The following PLCE1 variants were observed in gnomAD, a reference collection of about 807,000 sequenced individuals.
PLCE1 encodes the protein 1-phosphatidylinositol 4,5-bisphosphate phosphodiesterase epsilon-1.
PLCE1 carries 119 observed loss-of-function variants against 242.8 expected under a neutral mutation model. That is an observed-to-expected ratio of 0.49 (90% CI 0.42 to 0.57). The LOEUF (loss-of-function observed/expected upper bound fraction) is 0.57, where lower values mean the gene tolerates loss of function less well. Among genes scored for constraint, PLCE1 ranks in the 20% least tolerant of loss-of-function variants. The pLI, the probability that PLCE1 is intolerant of heterozygous loss-of-function variation, is 0.00. For synonymous variants in PLCE1, 945 were observed against 1,017.4 expected (o/e 0.93, Z 1.35); for missense variants, 2,441 against 2,788.8 (o/e 0.88, Z 2.81).
chr10:94,073,330 C>T (rs922555367), intron 2 of PLCE1, among the ~76,000 whole-genome samples: 1 of 152,136 alleles, frequency 6.6e-6, no homozygotes, highest in Non-Finnish European at 1.5e-5. Context: ...TTCCAAGTAA[C>T]CAACTTACTT....
At chr10:94,283,061 A>T (rs1438217642) in intron 20 of PLCE1, 1 of 152,196 alleles carries the variant, frequency 6.6e-6, no homozygotes, top group Non-Finnish European at 1.5e-5. Context: ...TGAGTGAGAA[A>T]TTAGCTTTCT....
intron 2 of PLCE1, among the ~76,000 whole-genome samples, chr10:94,084,478 G>C (rs183216257): frequency 7.4e-4 from 113 of 152,246 alleles, no homozygotes; most frequent in Non-Finnish European, 1.2e-3. Flanking sequence ...TGTAAAACCA[G>C]GGCGCTGGAC....
At chr10:94,233,821 G>A (rs138796172) in intron 5 of PLCE1, among the ~76,000 whole-genome samples, 5 of 151,886 alleles carry the variant, frequency 3.3e-5, no homozygotes, top group Admixed American at 6.6e-5. Context: ...AGTGGCGCGC[G>A]CCTATAATCC....
At chr10:94,118,708 C>T (rs1296761229) in intron 2 of PLCE1, among the ~76,000 whole-genome samples, 1 of 152,172 alleles carries the variant, frequency 6.6e-6, no homozygotes, top group African/African-American at 2.4e-5. Flanking sequence ...TCCAATAAAC[C>T]TCTTTCTTTC....
chr10:94,283,612 C>T (rs371461003), intron 20 of PLCE1, 178 bp from the exon 21 acceptor site: 241 of 578,754 alleles, frequency 4.2e-4, no homozygotes, highest in African/African-American at 3.0e-3. Flanking sequence ...AAAATAACTG[C>T]ATCAACCCAA....
At chr10:94,297,547 A>G (rs2052874779) in intron 23 of PLCE1, among the ~76,000 whole-genome samples, 1 of 149,032 alleles carries the variant, frequency 6.7e-6, no homozygotes, top group African/African-American at 2.5e-5. Context: ...AAATTGTACC[A>G]ATAAACTTGC....
chr10:94,203,682 G>A (rs1590237872), intron 4 of PLCE1, among the ~76,000 whole-genome samples: 1 of 152,166 alleles, frequency 6.6e-6, no homozygotes, highest in Non-Finnish European at 1.5e-5. Flanking sequence ...TACATAAGCA[G>A]AAATAAAAAG....
At chr10:94,285,638 A>G (rs1212475164) in intron 22 of PLCE1, among the ~76,000 whole-genome samples, 1 of 152,146 alleles carries the variant, frequency 6.6e-6, no homozygotes, top group Non-Finnish European at 1.5e-5. Flanking sequence ...CTTCAGTGTA[A>G]GAGTCTCTTC....
At chr10:94,181,765 A>G (rs1365348920) in intron 4 of PLCE1, among the ~76,000 whole-genome samples, 1 of 151,970 alleles carries the variant, frequency 6.6e-6, no homozygotes, top group East Asian at 1.9e-4. Flanking sequence ...AAAAAATTAA[A>G]AAATTGACAG....
At chr10:94,052,124 G>C (rs2043782048) in intron 2 of PLCE1, among the ~76,000 whole-genome samples, 1 of 152,182 alleles carries the variant, frequency 6.6e-6, no homozygotes, top group South Asian at 2.1e-4. Flanking sequence ...ATGATTGATT[G>C]AATAAGGATT....
intron 1 of PLCE1, among the ~76,000 whole-genome samples, chr10:94,005,634 A>G (rs2061020533): frequency 6.6e-6 from 1 of 152,180 alleles, no homozygotes; most frequent in African/African-American, 2.4e-5. Context: ...AAAGCTGCAT[A>G]TCGGGTTGGC....
At chr10:94,170,369 G>T (rs995324220) in intron 3 of PLCE1, among the ~76,000 whole-genome samples, 1 of 152,172 alleles carries the variant, frequency 6.6e-6, no homozygotes, top group Non-Finnish European at 1.5e-5. Flanking sequence ...TTAAGAGGCA[G>T]CCTGGGACAG....
intron 8 of PLCE1, among the ~76,000 whole-genome samples, chr10:94,249,669 C>T (rs2050807169): frequency 6.6e-6 from 1 of 151,972 alleles, no homozygotes; most frequent in African/African-American, 2.4e-5. Flanking sequence ...CAAGAGATAA[C>T]ACAGAAGACA....
chr10:94,144,811 G>A (rs566431325), intron 3 of PLCE1, among the ~76,000 whole-genome samples: 2 of 152,272 alleles, frequency 1.3e-5, no homozygotes, highest in South Asian at 2.1e-4. Flanking sequence ...TGGAGAAGTC[G>A]GAATAACAAG....
intron 2 of PLCE1, among the ~76,000 whole-genome samples, chr10:94,060,636 G>A (rs1277071480): frequency 6.6e-6 from 1 of 151,704 alleles, no homozygotes; most frequent in Non-Finnish European, 1.5e-5. Flanking sequence ...TTTTGCAGCT[G>A]TGATACATTA....
At chr10:94,269,124 CG>C (rs2051626597) in intron 17 of PLCE1, 88 bp downstream of exon 17, 1 of 590,682 alleles carries the variant, frequency 1.7e-6, no homozygotes, top group Non-Finnish European at 2.8e-6. Flanking sequence ...TTTTTTGAGA[CG>C]GGTTCTCGCT....
At chr10:94,214,005 C>T (rs895478193) in intron 4 of PLCE1, among the ~76,000 whole-genome samples, 2 of 152,164 alleles carry the variant, frequency 1.3e-5, no homozygotes, top group African/African-American at 4.8e-5. Flanking sequence ...AAATAAGAGT[C>T]TCAGGGTAGG....
chr10:94,241,313 T>C (rs958134118), intron 7 of PLCE1, among the ~76,000 whole-genome samples: 1 of 152,236 alleles, frequency 6.6e-6, no homozygotes, highest in African/African-American at 2.4e-5. Context: ...TGGAACATGC[T>C]TGACTTAACT....
rs2133018520 is a variant in PLCE1, at chr10:94,262,842, G to C, written c.4053+110G>C. The C allele has an allele frequency of 1.7e-5, 15 of 881,922 alleles. No individual in the cohort carries two copies. The South Asian group carries it at 2.0e-4, about 12-fold the overall frequency. 54.6% of individuals were successfully genotyped at this position (881,922 alleles called of 1,614,324 possible). A position where few individuals can be genotyped will look rare whatever the true frequency, so the allele number is the denominator to read the frequency against. ...ACTTCTTTCCAAAGCCTTTAAATCTGGGACAGATATACAGTTTTGTTTTTT... is the reference window on the plus strand; with the variant it reads ...ACTTCTTTCCAAAGCCTTTAAATCTCGGACAGATATACAGTTTTGTTTTTT... On this transcript the variant is annotated intron_variant, in intron 14 of 32. Transcript: ENST00000371380.
Sources: gnomAD v4.1 joint callset for allele counts (sites outside exome capture counted in the v4.1 genomes callset) on GRCh38, gnomAD v4.1.1 for gene constraint, MANE v1.5 for transcripts, NCBI Gene and HGNC (gene_info 2026-07-23, HGNC 2026-07-21) for gene names.